MGLL: variants seen among roughly 807,000 people sequenced by gnomAD.
The protein encoded by MGLL is monoglyceride lipase.
A neutral mutation model predicts 29.1 loss-of-function variants in MGLL; 7 were observed. The observed-to-expected ratio is 0.24, with a 90% CI of 0.14 to 0.45. The LOEUF is 0.45. MGLL is among the 20% of genes least tolerant of loss of function. The probability of loss-of-function intolerance (pLI) is 0.99; values close to 1 mark genes in which losing one functional copy is unlikely to be tolerated. For synonymous variants in MGLL, 148 were observed against 168.3 expected, an observed-to-expected ratio of 0.88 and a Z score of 0.93; for missense variants, 356 against 413.6, an observed-to-expected ratio of 0.86 and a Z score of 1.21.
At chr3:127,809,472 A>G (rs531810188) in intron 2 of MGLL, among the ~76,000 whole-genome samples, 18 of 152,138 alleles carry the variant, frequency 1.2e-4, no homozygotes, top group Non-Finnish European at 2.4e-4. Context: ...CAAAAAATTT[A>G]AAAATTGTCT....
chr3:127,785,881 G>A (rs1426013660), intron 2 of MGLL, among the ~76,000 whole-genome samples: 2 of 152,184 alleles, frequency 1.3e-5, no homozygotes, highest in Non-Finnish European at 2.9e-5. Flanking sequence ...TGAGGGGGTC[G>A]ACAGATAAGG....
At chr3:127,702,844 G>A (rs1451372556) in intron 6 of MGLL, among the ~76,000 whole-genome samples, 3 of 152,208 alleles carry the variant, frequency 2.0e-5, no homozygotes, top group East Asian at 1.9e-4. Flanking sequence ...ACAGGCACAC[G>A]CCACCATGCC....
At chr3:127,707,253 T>TC (rs2075621497) in intron 6 of MGLL, among the ~76,000 whole-genome samples, 2 of 152,120 alleles carry the variant, frequency 1.3e-5, no homozygotes, top group African/African-American at 4.8e-5. Flanking sequence ...GCCTCCCGCC[T>TC]CCACCCCTTC....
intron 3 of MGLL, among the ~76,000 whole-genome samples, chr3:127,752,158 C>A (rs184006387): frequency 6.6e-6 from 1 of 151,746 alleles, no homozygotes; most frequent in Non-Finnish European, 1.5e-5. Flanking sequence ...GGTGCAATGG[C>A]CAGTGTCGGC....
At chr3:127,744,726 T>A (rs2076408926) in intron 3 of MGLL, among the ~76,000 whole-genome samples, 1 of 152,164 alleles carries the variant, frequency 6.6e-6, no homozygotes. Context: ...CAGAGCTCCA[T>A]GAGATCAGCA....
intron 7 of MGLL, among the ~76,000 whole-genome samples, chr3:127,694,331 GTATATATA>G: frequency 1.2e-5 from 1 of 83,258 alleles, no homozygotes; most frequent in Non-Finnish European, 2.4e-5. Flanking sequence ...ATATATATGT[GTATATATA>G]TGTATGTGTA....
chr3:127,720,627 C>T (rs755921779), intron 5 of MGLL, among the ~76,000 whole-genome samples: 5 of 152,186 alleles, frequency 3.3e-5, no homozygotes, highest in African/African-American at 9.7e-5. Context: ...CGGAGGAGCG[C>T]GGCAGTGGAT....
At chr3:127,804,223 G>A (rs184771881) in intron 2 of MGLL, among the ~76,000 whole-genome samples, 7 of 152,380 alleles carry the variant, frequency 4.6e-5, no homozygotes, top group Admixed American at 2.6e-4. Flanking sequence ...TGGCTAGTTA[G>A]GAGGTAACAT....
intron 3 of MGLL, among the ~76,000 whole-genome samples, chr3:127,754,389 A>C (rs1440718951): frequency 6.6e-6 from 1 of 151,942 alleles, no homozygotes; most frequent in Non-Finnish European, 1.5e-5. Flanking sequence ...CAAAAGCTCC[A>C]CACAAGTGCC....
chr3:127,754,532 C>G (rs60479698), intron 3 of MGLL, among the ~76,000 whole-genome samples: 20,742 of 152,158 alleles, frequency 0.14, 1,999 homozygotes, highest in East Asian at 0.39. Context: ...GGCAGCAGTA[C>G]CGCCTGTGTC....
intron 3 of MGLL, among the ~76,000 whole-genome samples, chr3:127,738,026 C>T (rs1480047092): frequency 6.6e-6 from 1 of 152,072 alleles, no homozygotes; most frequent in Admixed American, 6.5e-5. Flanking sequence ...TGTGGCTAGG[C>T]GCAGTGGCTC....
intron 2 of MGLL, among the ~76,000 whole-genome samples, chr3:127,817,433 A>G (rs1159728197): frequency 2.0e-5 from 3 of 152,222 alleles, no homozygotes; most frequent in African/African-American, 7.2e-5. Flanking sequence ...AGGGGCTGCC[A>G]GGAAGGCCAA....
intron 3 of MGLL, among the ~76,000 whole-genome samples, chr3:127,757,366 A>G (rs1337237729): frequency 6.6e-6 from 1 of 152,228 alleles, no homozygotes; most frequent in Admixed American, 6.5e-5. Context: ...GCAGCAATCT[A>G]CATATATTTA....
chr3:127,709,829 C>T (rs551726253), intron 6 of MGLL, among the ~76,000 whole-genome samples: 13 of 152,348 alleles, frequency 8.5e-5, no homozygotes, highest in African/African-American at 3.1e-4. Flanking sequence ...CACCTACCCA[C>T]GTTCCCAGGC....
intron 3 of MGLL, among the ~76,000 whole-genome samples, chr3:127,775,660 A>G (rs1431315373): frequency 1.3e-5 from 2 of 152,188 alleles, no homozygotes; most frequent in Admixed American, 6.5e-5. Flanking sequence ...TTCACTGTTC[A>G]TCAGTTGAGG....
intron 3 of MGLL, among the ~76,000 whole-genome samples, chr3:127,743,357 C>CA (rs2076380550): frequency 1.3e-5 from 2 of 152,020 alleles, no homozygotes; most frequent in African/African-American, 4.8e-5. Context: ...ATCATTGTTT[C>CA]AAAAACACAC....
intron 6 of MGLL, among the ~76,000 whole-genome samples, chr3:127,700,155 A>C (rs974855993): frequency 2.6e-5 from 4 of 152,178 alleles, no homozygotes; most frequent in African/African-American, 9.7e-5. Flanking sequence ...GGCATAATAG[A>C]GAAAGAGTGC....
chr3:127,694,458 A>C (rs2075317483), intron 7 of MGLL, among the ~76,000 whole-genome samples: 1 of 151,942 alleles, frequency 6.6e-6, no homozygotes, highest in African/African-American at 2.4e-5. Flanking sequence ...AATATTCCAC[A>C]TAACCAAGCC....
chr3:127,746,141 G>A lies in MGLL; in HGVS notation c.263-23575C>T, dbSNP rs530755310. Among the ~76,000 whole-genome samples the A allele has an allele frequency of 4.6e-5, 7 of 152,268 alleles. No homozygotes were observed. In the East Asian group the frequency reaches 1.4e-3, roughly 29 times the overall value. ...GGGAGACTGGGGAAGAGGAGCCTGT[G>A]AGAACGCCTGGGATGGTGAGGATGG... On this transcript the variant is annotated intron_variant, in intron 3 of 7. Transcript: ENST00000265052.
Sources: gnomAD v4.1 joint callset for allele counts (sites outside exome capture counted in the v4.1 genomes callset) on GRCh38, gnomAD v4.1.1 for gene constraint, MANE v1.5 for transcripts, NCBI Gene and HGNC (gene_info 2026-07-23, HGNC 2026-07-21) for gene names.